The following TSHZ2 variants were observed in gnomAD, a reference collection of about 807,000 sequenced individuals.
TSHZ2 encodes the protein teashirt zinc finger homeobox 2, also known as teashirt homolog 2.
Under a neutral mutation model 74.4 loss-of-function variants are expected in TSHZ2, and 21 were observed. The ratio of observed to expected loss-of-function variants is 0.28; its 90% CI spans 0.20 to 0.41. TSHZ2 has a LOEUF of 0.41. Among genes scored for constraint, TSHZ2 ranks in the 10% least tolerant of loss-of-function variants. The pLI is 1.00. For synonymous variants in TSHZ2, 540 were observed against 515.3 expected, an observed-to-expected ratio of 1.05 and a Z score of -0.65; for missense variants, 1,244 against 1,293.5, an observed-to-expected ratio of 0.96 and a Z score of 0.59.
intron 1 of TSHZ2, among the ~76,000 whole-genome samples, chr20:53,111,987 C>T (rs900024967): frequency 6.6e-6 from 1 of 152,188 alleles, no homozygotes; most frequent in Non-Finnish European, 1.5e-5. Flanking sequence ...GCTGAGGGCA[C>T]GTGTCTAACC....
chr20:53,186,332 C>T (rs566397638), intron 1 of TSHZ2, among the ~76,000 whole-genome samples: 8 of 152,304 alleles, frequency 5.3e-5, no homozygotes, highest in Non-Finnish European at 7.3e-5. Flanking sequence ...TTTAAGCCAT[C>T]GGTGTTCAAA....
intron 1 of TSHZ2, among the ~76,000 whole-genome samples, chr20:53,079,075 C>CA (rs1410210610): frequency 1.3e-5 from 2 of 152,200 alleles, no homozygotes; most frequent in Middle Eastern, 3.4e-3. Flanking sequence ...AAAAAGTCTG[C>CA]AAAACATGAG....
intron 1 of TSHZ2, among the ~76,000 whole-genome samples, chr20:53,129,687 A>G (rs1009023380): frequency 3.9e-5 from 6 of 152,150 alleles, no homozygotes; most frequent in African/African-American, 1.4e-4. Context: ...ATGCACACAC[A>G]CAATGAATGA....
In TSHZ2 at chr20:53,143,033, A is replaced by G. The variant is rs142791892; in HGVS notation, c.41-110466A>G. 2.0e-3 allele frequency among the ~76,000 whole-genome samples: 308 copies of G among 151,892 alleles called. 1 individual carries two copies. The highest frequency in any genetic ancestry group is 7.2e-3 in the African/African-American group (296 of 41,176). Reference sequence around the variant, plus strand: ...CCCGCTGCTTTGCAACACTTAAGACAAGTGTGTAGGAGCTTTTCTCCTCAG... The same window carrying G: ...CCCGCTGCTTTGCAACACTTAAGACGAGTGTGTAGGAGCTTTTCTCCTCAG... On this transcript the variant is annotated intron_variant, in intron 1 of 2. Transcript: ENST00000371497.
At chr20:53,043,123 G>A (rs553680774) in intron 1 of TSHZ2, among the ~76,000 whole-genome samples, 10 of 152,312 alleles carry the variant, frequency 6.6e-5, no homozygotes, top group African/African-American at 2.4e-4. Flanking sequence ...TAGCATCTAT[G>A]TCTGCATGGA....
intron 1 of TSHZ2, among the ~76,000 whole-genome samples, chr20:53,084,086 A>G (rs985900867): frequency 6.6e-6 from 1 of 152,204 alleles, no homozygotes; most frequent in Admixed American, 6.5e-5. Flanking sequence ...CAAATTTGTC[A>G]TAAGTAATAA....
At chr20:52,994,553 G>A (rs1982111545) in intron 1 of TSHZ2, among the ~76,000 whole-genome samples, 2 of 152,182 alleles carry the variant, frequency 1.3e-5, no homozygotes, top group African/African-American at 4.8e-5. Flanking sequence ...GGATCTAATT[G>A]TTGATTTCTG....
chr20:53,013,233 T>C (rs1982919550), intron 1 of TSHZ2, among the ~76,000 whole-genome samples: 1 of 152,122 alleles, frequency 6.6e-6, no homozygotes, highest in South Asian at 2.1e-4. Flanking sequence ...GATTTTATTA[T>C]CCCAATTAAA....
chr20:53,185,387 G>A, intron 1 of TSHZ2: 1 of 1,235,768 alleles, frequency 8.1e-7, no homozygotes, highest in Non-Finnish European at 1.0e-6. Flanking sequence ...GACTTAAGAT[G>A]ATGGTGGCCA....
Position 53,340,177 on chromosome 20 carries a change from C to CTTTTTTTTTTTT in TSHZ2, c.*8+83612_*8+83613insTTTTTTTTTTTT, listed in dbSNP as rs74177489. On this transcript the variant is annotated intron_variant, in intron 2 of 2. Transcript: ENST00000371497. ...GGATAAAACAAGGTGACTTTTCTTT[C>CTTTTTTTTTTTT]TTTTTTCTTTTTTTTTTTTTTTTGA... Among the ~76,000 whole-genome samples the CTTTTTTTTTTTT allele has an allele frequency of 2.7e-4, 25 of 94,066 alleles. 4 individuals are homozygous for CTTTTTTTTTTTT. The highest frequency in any genetic ancestry group is 4.0e-4 in the South Asian group (1 of 2,496). The allele number at this position is 94,066 out of a possible 152,430, so 61.7% of individuals were successfully genotyped here. A position where few individuals can be genotyped will look rare whatever the true frequency, so the allele number is the denominator to read the frequency against.
chr20:53,385,045 C>T (rs1209143210), intron 2 of TSHZ2, among the ~76,000 whole-genome samples: 3 of 152,036 alleles, frequency 2.0e-5, no homozygotes, highest in East Asian at 1.9e-4. Context: ...GGCGTGAACC[C>T]GGGAGGCGGA....
At chr20:53,217,029 G>A (rs1268664597) in intron 1 of TSHZ2, among the ~76,000 whole-genome samples, 1 of 152,154 alleles carries the variant, frequency 6.6e-6, no homozygotes, top group Non-Finnish European at 1.5e-5. Flanking sequence ...TATTTTTAGT[G>A]TCTGATTGTC....
intron 2 of TSHZ2, among the ~76,000 whole-genome samples, chr20:53,343,499 C>G (rs978666828): frequency 6.6e-6 from 1 of 152,174 alleles, no homozygotes; most frequent in Non-Finnish European, 1.5e-5. Context: ...ACTAACATTC[C>G]GGACGACCAA....
chr20:53,494,198 G>A lies in TSHZ2; in HGVS notation c.*7063G>A, dbSNP rs1039542892. ...AGCTACTTGGGAGGCTGAGGCAAGA[G>A]AATTGCTTGAGCCCGGGAGGCGAAG... On this transcript the variant is annotated 3_prime_UTR_variant, in exon 3 of 3. Coordinates refer to ENST00000371497, the MANE Select transcript of TSHZ2 (RefSeq NM_173485.6). The A allele has an allele frequency of 6.6e-6, 1 of 152,172 alleles. No homozygotes were observed. Among genetic ancestry groups the A allele is most frequent in the Non-Finnish European group, 1.5e-5 (1 of 68,226 alleles). The allele number at this position is 152,172 out of a possible 1,614,324, so 9.4% of individuals were successfully genotyped here.
intron 1 of TSHZ2, among the ~76,000 whole-genome samples, chr20:53,019,541 G>A (rs1983160135): frequency 6.6e-6 from 1 of 152,130 alleles, no homozygotes; most frequent in South Asian, 2.1e-4. Flanking sequence ...GTTGTTGAAT[G>A]TCCAGAGGTG....
At chr20:53,446,617 T>C in intron 2 of TSHZ2, among the ~76,000 whole-genome samples, 2 of 149,210 alleles carry the variant, frequency 1.3e-5, no homozygotes, top group East Asian at 2.0e-4. Flanking sequence ...AAAAACAAGG[T>C]CAGCTTTTTC....
chr20:53,460,688 T>C (rs571466631), intron 2 of TSHZ2, among the ~76,000 whole-genome samples: 1 of 152,188 alleles, frequency 6.6e-6, no homozygotes, highest in Non-Finnish European at 1.5e-5. Context: ...TTTATCTCCT[T>C]TTGGTCTTTG....
At chr20:53,433,541 T>C (rs1442563284) in intron 2 of TSHZ2, among the ~76,000 whole-genome samples, 1 of 149,614 alleles carries the variant, frequency 6.7e-6, no homozygotes, top group African/African-American at 2.5e-5. Context: ...ACTCTGTCTA[T>C]AAAAAGAAGC....
chr20:53,488,835 T>TAAAA lies in TSHZ2; in HGVS notation c.*1712_*1715dup. The TAAAA allele has an allele frequency of 6.3e-5, 19 of 303,572 alleles. No homozygotes were observed. The highest frequency in any genetic ancestry group is 2.2e-4 in the South Asian group (8 of 36,776). 18.8% of individuals were successfully genotyped at this position (303,572 alleles called of 1,614,324 possible). ...TGATCCCTAAATTCAACATTGGGAT[T>TAAAA]AAAAAAAAAAAAAAACTTCTTATTT... On this transcript the variant is annotated 3_prime_UTR_variant, in exon 3 of 3. Transcript: ENST00000371497.
Sources: gnomAD v4.1 joint callset for allele counts (sites outside exome capture counted in the v4.1 genomes callset) on GRCh38, gnomAD v4.1.1 for gene constraint, MANE v1.5 for transcripts, NCBI Gene and HGNC (gene_info 2026-07-23, HGNC 2026-07-21) for gene names.